The following RASA2 variants were observed in gnomAD, a reference collection of about 807,000 sequenced individuals.
The protein encoded by RASA2 is ras GTPase-activating protein 2.
RASA2 carries 155 observed loss-of-function variants against 118.2 expected under a neutral mutation model. That is an observed-to-expected ratio of 1.31 (90% CI 1.15 to 1.50). The LOEUF (loss-of-function observed/expected upper bound fraction) is 1.50. Ranked by LOEUF, RASA2 falls within the 40% of genes most tolerant of loss-of-function variation. The pLI is 0.00. For synonymous variants in RASA2, 353 were observed against 349.1 expected, an observed-to-expected ratio of 1.01 and a Z score of -0.12; for missense variants, 1,016 against 1,009.6, an observed-to-expected ratio of 1.01 and a Z score of -0.09.
chr3:141,491,610 A>G (rs891776043), intron 1 of RASA2, among the ~76,000 whole-genome samples: 1 of 152,194 alleles, frequency 6.6e-6, no homozygotes, highest in Non-Finnish European at 1.5e-5. Context: ...AAAAAACTAG[A>G]AGGTGTTAGT....
intron 2 of RASA2, among the ~76,000 whole-genome samples, chr3:141,512,834 G>A (rs754389701): frequency 8.6e-5 from 13 of 152,046 alleles, no homozygotes; most frequent in Admixed American, 7.9e-4. Context: ...AGGCAGACGC[G>A]GGCAGATCAC....
At chr3:141,593,329 G>A (rs946205107) in intron 19 of RASA2, among the ~76,000 whole-genome samples, 1 of 152,142 alleles carries the variant, frequency 6.6e-6, no homozygotes, top group African/African-American at 2.4e-5. Flanking sequence ...TTACAGGCAT[G>A]AGCCACTGCG....
chr3:141,554,461 A>G (rs573826976), intron 6 of RASA2, among the ~76,000 whole-genome samples: 2 of 152,342 alleles, frequency 1.3e-5, no homozygotes, highest in East Asian at 3.9e-4. Flanking sequence ...GTACCATATC[A>G]TTGATTTAAA....
At chr3:141,502,214 GTCAT>G (rs1360591028) in intron 1 of RASA2, among the ~76,000 whole-genome samples, 1 of 152,140 alleles carries the variant, frequency 6.6e-6, no homozygotes, top group African/African-American at 2.4e-5. Context: ...TATGTCCTGA[GTCAT>G]TCAAGCCAGT....
At chr3:141,571,613 G>A (rs1408892934) in intron 11 of RASA2, 59 bp downstream of exon 11, 27 of 1,508,704 alleles carry the variant, frequency 1.8e-5, no homozygotes, top group Non-Finnish European at 2.1e-5. Flanking sequence ...ACCTTAGTTT[G>A]ACAGATTGAT....
intron 1 of RASA2, among the ~76,000 whole-genome samples, chr3:141,490,335 CAA>C (rs3075070): frequency 0.33 from 30,808 of 93,046 alleles, 3,140 homozygotes; most frequent in African/African-American, 0.37. Flanking sequence ...CTCCTCCCCT[CAA>C]AAAAAAAAAA....
intron 11 of RASA2, among the ~76,000 whole-genome samples, chr3:141,571,800 G>T (rs2082924486): frequency 6.6e-6 from 1 of 151,878 alleles, no homozygotes; most frequent in Non-Finnish European, 1.5e-5. Flanking sequence ...TTACTAATCT[G>T]CTTCTTAGTG....
At chr3:141,554,411 A>T (rs1455910355) in intron 6 of RASA2, among the ~76,000 whole-genome samples, 1 of 152,212 alleles carries the variant, frequency 6.6e-6, no homozygotes, top group Non-Finnish European at 1.5e-5. Flanking sequence ...GAGAATTCCA[A>T]CTGTAGAAAA....
At chr3:141,488,072 T>C (rs1468561054) in intron 1 of RASA2, among the ~76,000 whole-genome samples, 4 of 152,222 alleles carry the variant, frequency 2.6e-5, no homozygotes, top group Non-Finnish European at 4.4e-5. Context: ...GAAATTTTGC[T>C]CAGAGTTGTC....
rs2082951550 is a variant in RASA2, at chr3:141,573,158, C to T, written c.1296C>T (p.Ser432=). The T allele has an allele frequency of 6.5e-7, 1 of 1,545,700 alleles. No individual in the cohort carries two copies. The highest frequency in any genetic ancestry group is 1.4e-5 in the African/African-American group (1 of 69,812). ...AATTTATTTTTCAGATATGTGACTC[C>T]TCAAAATCCTGTGAAATCGATCCTA... The part of the protein sequence containing the change: ...LKPILDEICD[S]SKSCEIDPIK... The change falls in exon 13 of 24, where the codon TCC becomes TCT. Residue 432 remains serine, a synonymous_variant. Transcript: ENST00000286364.
chr3:141,602,323 G>C (rs2083476884), intron 19 of RASA2, among the ~76,000 whole-genome samples: 1 of 152,170 alleles, frequency 6.6e-6, no homozygotes, highest in South Asian at 2.1e-4. Flanking sequence ...TTTTACCTCA[G>C]ATCATCAGGC....
chr3:141,501,776 G>A (rs2081784890), intron 1 of RASA2, among the ~76,000 whole-genome samples: 1 of 151,966 alleles, frequency 6.6e-6, no homozygotes, highest in Non-Finnish European at 1.5e-5. Context: ...TGGCACAACA[G>A]CATTTTAATT....
rs2082232834 is a variant in RASA2 at position 141,529,717 on chromosome 3, C to T, written c.365C>T (p.Ala122Val). 1.2e-6 allele frequency: 2 copies of T among 1,609,118 alleles called. No individual in the cohort carries two copies. Among genetic ancestry groups the T allele is most frequent in the Non-Finnish European group, 1.7e-6 (2 of 1,176,334 alleles). ...TACTTATTTTCTGTAGGAAAAGTAG[C>T]CATCAAAAAAGAAGACTTGTGTAAT... is the stretch of plus-strand genomic sequence containing the variant. ...LQRDLRIGKV[A>V]IKKEDLCNHS... Residue 122 changes from alanine (A) to valine (V), a missense_variant, in exon 4 of 24, where the codon GCC becomes GTC. By Grantham distance (64) the Ala-to-Val change is moderately conservative (BLOSUM62 0). Transcript: ENST00000286364.
chr3:141,522,997 C>T (rs945409460), intron 3 of RASA2, among the ~76,000 whole-genome samples: 1 of 152,136 alleles, frequency 6.6e-6, no homozygotes, highest in Non-Finnish European at 1.5e-5. Flanking sequence ...AACACTGGCA[C>T]TTACTCTGCT....
At chr3:141,572,475 A>G (rs2082939403) in intron 11 of RASA2, 134 bp from the exon 12 acceptor site, 2 of 591,390 alleles carry the variant, frequency 3.4e-6, no homozygotes, top group Non-Finnish European at 3.0e-6. Flanking sequence ...CTAAAATTGT[A>G]GGTCACTTAT....
chr3:141,605,392 C>G (rs1347612317), intron 19 of RASA2, among the ~76,000 whole-genome samples: 4 of 152,152 alleles, frequency 2.6e-5, no homozygotes, highest in African/African-American at 7.2e-5. Context: ...TTCACTAACT[C>G]ACATTGCAGT....
chr3:141,524,403 A>G (rs773778613), intron 3 of RASA2, among the ~76,000 whole-genome samples: 4 of 151,746 alleles, frequency 2.6e-5, no homozygotes, highest in Non-Finnish European at 5.9e-5. Context: ...ACCAGGAGTT[A>G]TGGAGGCCAT....
chr3:141,559,968 T>C lies in RASA2; in HGVS notation c.836T>C (p.Leu279Ser), dbSNP rs1345620368. 1 of 1,613,198 alleles carries C rather than the reference T, an allele frequency of 6.2e-7. No individual in the cohort carries two copies. The highest frequency in any genetic ancestry group is 1.3e-5 in the African/African-American group (1 of 75,022). Reference protein sequence around the residue: ...LGEIKVPVNVLRTDSSHQAWY... With the variant: ...LGEIKVPVNVSRTDSSHQAWY... ...GAGATTAAGGTTCCTGTGAACGTAT[T>C]AAGAACTGATTCCTCTCATCAAGCC... is the stretch of plus-strand genomic sequence containing the variant. Residue 279 changes from leucine (L) to serine (S), a missense_variant, in exon 9 of 24, where the codon TTA (leucine) becomes TCA (serine). Coordinates refer to ENST00000286364, the MANE Select transcript of RASA2 (RefSeq NM_006506.5).
rs1577623782 is a variant in RASA2 at position 141,487,209 on chromosome 3, C to A, written c.126C>A (p.Gly42=). The A allele has an allele frequency of 7.0e-7, 1 of 1,434,394 alleles. No homozygotes were observed. The highest frequency in any genetic ancestry group is 3.0e-5 in the East Asian group (1 of 33,520). 88.9% of individuals were successfully genotyped at this position (1,434,394 alleles called of 1,614,324 possible). ...TTCGAGTGTTGCAGAGCCTGCGGGG[C>A]AAGATCTGTAAGCGGGGGCTGGGCT... ...REVRVLQSLR[G]KICEAKNLLP... Residue 42 remains glycine (G), a synonymous_variant, in exon 1 of 24, where the codon GGC becomes GGA. Transcript: ENST00000286364.
Sources: gnomAD v4.1 joint callset for allele counts (sites outside exome capture counted in the v4.1 genomes callset) on GRCh38, gnomAD v4.1.1 for gene constraint, MANE v1.5 for transcripts, NCBI Gene and HGNC (gene_info 2026-07-23, HGNC 2026-07-21) for gene names.